CCDC178: variants seen among roughly 807,000 people sequenced by gnomAD.
CCDC178 encodes coiled-coil domain containing 178.
CCDC178 carries 126 observed loss-of-function variants against 117.4 expected under a neutral mutation model. The observed-to-expected ratio is 1.07, with a 90% CI of 0.93 to 1.24. CCDC178 has a LOEUF of 1.24. Among genes scored for constraint, CCDC178 ranks in the 50% most tolerant of loss-of-function variants. CCDC178 has a pLI of 0.00. For synonymous variants in CCDC178, 283 were observed against 313.4 expected (o/e 0.90, Z 1.02); for missense variants, 1,030 against 986.9 (o/e 1.04, Z -0.59).
intron 20 of CCDC178, among the ~76,000 whole-genome samples, chr18:33,170,441 G>A (rs1018717100): frequency 4.0e-5 from 6 of 151,856 alleles, no homozygotes; most frequent in Admixed American, 6.6e-5. Flanking sequence ...TTATTAAAAC[G>A]AAATAATCAC....
At chr18:33,343,516 C>T (rs2062844611) in intron 9 of CCDC178, among the ~76,000 whole-genome samples, 1 of 152,146 alleles carries the variant, frequency 6.6e-6, no homozygotes. Context: ...GCAGTCAGTG[C>T]TATAAATTCC....
chr18:33,292,988 A>C (rs2062055312), intron 12 of CCDC178, among the ~76,000 whole-genome samples, 171 bp downstream of exon 12: 1 of 152,136 alleles, frequency 6.6e-6, no homozygotes, highest in Non-Finnish European at 1.5e-5. Context: ...GTCCTGTTTC[A>C]AGCTGCTAAA....
intron 11 of CCDC178, among the ~76,000 whole-genome samples, chr18:33,297,435 T>C (rs1283312506): frequency 1.3e-5 from 2 of 151,138 alleles, no homozygotes; most frequent in East Asian, 3.9e-4. Flanking sequence ...ATTAGGTAGA[T>C]TAACAAAGAA....
chr18:32,984,631 G>A (rs922265791), intron 21 of CCDC178, among the ~76,000 whole-genome samples: 2 of 150,642 alleles, frequency 1.3e-5, no homozygotes, highest in South Asian at 2.1e-4. Flanking sequence ...ATGAATGAAC[G>A]TATATGATTA....
chr18:33,235,942 T>G (rs976900055), intron 15 of CCDC178, among the ~76,000 whole-genome samples: 10 of 152,210 alleles, frequency 6.6e-5, no homozygotes, highest in African/African-American at 2.4e-4. Context: ...TTATTGGAAT[T>G]GAAAATATGG....
intron 3 of CCDC178, among the ~76,000 whole-genome samples, chr18:33,406,123 A>G (rs1383146487): frequency 6.6e-6 from 1 of 152,130 alleles, no homozygotes; most frequent in Admixed American, 6.6e-5. Context: ...AAGTGTTAAA[A>G]AGGACAGCAA....
intron 20 of CCDC178, among the ~76,000 whole-genome samples, chr18:33,152,505 C>T (rs1016952584): frequency 6.6e-6 from 1 of 151,798 alleles, no homozygotes; most frequent in Non-Finnish European, 1.5e-5. Context: ...ACCCAGAGCT[C>T]GCCAGGAAGG....
chr18:33,303,282 A>G (rs1481761031), intron 11 of CCDC178, among the ~76,000 whole-genome samples: 1 of 152,224 alleles, frequency 6.6e-6, no homozygotes, highest in African/African-American at 2.4e-5. Flanking sequence ...ACATTCTTAA[A>G]AAGTCATAAC....
chr18:33,084,421 A>G (rs910676297), intron 21 of CCDC178, among the ~76,000 whole-genome samples: 2 of 152,156 alleles, frequency 1.3e-5, no homozygotes, highest in African/African-American at 4.8e-5. Flanking sequence ...GACATATTCC[A>G]TATTAGGTAT....
At chr18:33,161,104 A>T (rs1359935318) in intron 20 of CCDC178, among the ~76,000 whole-genome samples, 1 of 152,174 alleles carries the variant, frequency 6.6e-6, no homozygotes, top group Admixed American at 6.5e-5. Context: ...AAAGAGCAGA[A>T]TTTTAACCTC....
chr18:33,326,090 A>C (rs1184108515), intron 10 of CCDC178, among the ~76,000 whole-genome samples: 1 of 152,190 alleles, frequency 6.6e-6, no homozygotes, highest in Non-Finnish European at 1.5e-5. Context: ...TTACAGCTCC[A>C]AAGGAGAGAT....
At chr18:33,338,263 G>A (rs1240386471) in intron 9 of CCDC178, among the ~76,000 whole-genome samples, 1 of 152,140 alleles carries the variant, frequency 6.6e-6, no homozygotes, top group Non-Finnish European at 1.5e-5. Context: ...ATAGATGTTG[G>A]CATGGATGCA....
At chr18:33,329,624 G>A (rs1447158977) in intron 10 of CCDC178, among the ~76,000 whole-genome samples, 2 of 152,058 alleles carry the variant, frequency 1.3e-5, no homozygotes, top group Non-Finnish European at 2.9e-5. Context: ...TATCACATAT[G>A]TATTCCTGGG....
intron 20 of CCDC178, among the ~76,000 whole-genome samples, chr18:33,096,365 A>T (rs1448514743): frequency 1.4e-5 from 2 of 145,248 alleles, no homozygotes; most frequent in African/African-American, 2.5e-5. Context: ...AAAATATAAA[A>T]TTTTTATATT....
chr18:32,989,634 C>CATATATTTTCACTAGTCAA (rs1304552943), intron 21 of CCDC178, among the ~76,000 whole-genome samples: 1 of 152,046 alleles, frequency 6.6e-6, no homozygotes, highest in Non-Finnish European at 1.5e-5. Flanking sequence ...ATTTGCATGT[C>CATATATTTTCACTAGTCAA]ATATATTTTC....
chr18:33,346,715 A>T (rs1017932997), intron 8 of CCDC178, among the ~76,000 whole-genome samples: 2 of 152,130 alleles, frequency 1.3e-5, no homozygotes, highest in African/African-American at 2.4e-5. Flanking sequence ...TATAAGCTGT[A>T]CTATAGAGGT....
chr18:33,029,618 A>C (rs372690515), intron 21 of CCDC178, among the ~76,000 whole-genome samples: 25 of 152,030 alleles, frequency 1.6e-4, no homozygotes, highest in Middle Eastern at 3.4e-3. Flanking sequence ...TTTCTTGTTC[A>C]TGTAGGCATT....
chr18:33,432,856 G>A (rs72949722), intron 2 of CCDC178, among the ~76,000 whole-genome samples: 21,191 of 152,102 alleles, frequency 0.14, 1,502 homozygotes, highest in East Asian at 0.19. Context: ...GGAACTAAAT[G>A]TTGAGAACAC....
intron 21 of CCDC178, among the ~76,000 whole-genome samples, chr18:33,090,938 T>A (rs993688301): frequency 6.6e-6 from 1 of 152,186 alleles, no homozygotes; most frequent in Non-Finnish European, 1.5e-5. Flanking sequence ...GCTCTTACTA[T>A]GAAAATGTGA....
Sources: allele counts gnomAD v4.1 joint callset (sites outside exome capture counted in the v4.1 genomes callset), GRCh38; gene constraint gnomAD v4.1.1; transcripts MANE v1.5; gene names NCBI Gene and HGNC (gene_info 2026-07-23, HGNC 2026-07-21).